PAGE5: variants seen among roughly 807,000 people sequenced by gnomAD.
PAGE5 encodes PAGE family member 5, also known as P antigen family member 5.
A neutral mutation model predicts 8.1 loss-of-function variants in PAGE5; 8 were observed. The observed-to-expected ratio is 0.98, with a 90% CI of 0.58 to 1.77. The LOEUF is 1.77. PAGE5 is among the 40% of genes most tolerant of loss of function. The probability of loss-of-function intolerance (pLI) is 0.00; values close to 1 mark genes in which losing one functional copy is unlikely to be tolerated. For missense variants in PAGE5, 64 were observed against 77.6 expected (o/e 0.82, Z 0.66); for synonymous variants, 30 against 27.0 (o/e 1.11, Z -0.35).
intron 1 of PAGE5, 198 bp downstream of exon 1, chrX:55,220,650 A>G: frequency 8.3e-7 from 1 of 1,199,187 alleles, no homozygotes; most frequent in Non-Finnish European, 1.1e-6. Context: ...CGAGGGAGGA[A>G]GGTAGGCCGT....
intron 1 of PAGE5, among the ~76,000 whole-genome samples, 188 bp from the exon 2 acceptor site, chrX:55,221,187 C>T (rs1297384732): frequency 1.8e-5 from 2 of 111,440 alleles, no homozygotes; most frequent in Non-Finnish European, 3.8e-5. Context: ...TGTGCCTCTT[C>T]GACTATGATA....
chrX:55,223,214 G>A (rs950706701), intron 4 of PAGE5, among the ~76,000 whole-genome samples: 2 of 112,261 alleles, frequency 1.8e-5, no homozygotes, highest in African/African-American at 6.5e-5. Context: ...AGAAAGATAA[G>A]AAAAGGTTTT....
rs775326528 is a variant in PAGE5, at chrX:55,220,472, T to C, written c.-9+20T>C. Reference sequence around the variant, plus strand: ...CAGCCGGTAGGTCTGCAGAGTGGTCTTCCTGGTAATTTAGTTGTGAGTGAA... The same window carrying C: ...CAGCCGGTAGGTCTGCAGAGTGGTCCTCCTGGTAATTTAGTTGTGAGTGAA... On this transcript the variant is annotated intron_variant, in intron 1 of 4. Transcript: ENST00000374955. 14 of 625,233 alleles carry C rather than the reference T, an allele frequency of 2.2e-5. No homozygotes were observed. Among genetic ancestry groups the C allele is most frequent in the East Asian group, 3.6e-5 (1 of 27,544 alleles). The allele number at this position is 625,233 out of a possible 1,213,427, so 51.5% of individuals were successfully genotyped here.
chrX:55,222,493 T>C, intron 3 of PAGE5, 128 bp from the exon 4 acceptor site: 1 of 809,255 alleles, frequency 1.2e-6, no homozygotes, highest in Admixed American at 2.8e-5. Context: ...TTTCCTGCTT[T>C]TCTGGCAACA....
rs751503035 is a variant in PAGE5 at position 55,221,682 on chromosome X, T to C, written c.82-85T>C. The C allele has an allele frequency of 1.1e-5, 11 of 1,006,106 alleles. No individual in the cohort carries two copies. In the African/African-American group the frequency reaches 1.9e-4, roughly 17 times the overall value. The allele number at this position is 1,006,106 out of a possible 1,213,427, so 82.9% of individuals were successfully genotyped here. A position where few individuals can be genotyped will look rare whatever the true frequency, so the allele number is the denominator to read the frequency against. On this transcript the variant is annotated intron_variant, in intron 2 of 4. Coordinates refer to ENST00000374955, the MANE Select transcript of PAGE5 (RefSeq NM_001013435.3). ...CTATATATATATCTATTGGAAAATG[T>C]CTTTAGATTTATGATTCGATGCACA...
intron 4 of PAGE5, among the ~76,000 whole-genome samples, 168 bp from the exon 5 acceptor site, chrX:55,223,819 C>T (rs748491961): frequency 1.5e-4 from 17 of 111,463 alleles, no homozygotes; most frequent in African/African-American, 5.5e-4. Context: ...TGTTAATATG[C>T]CTGGAAGTCT....
chrX:55,222,244 G>A (rs772516135), intron 3 of PAGE5, among the ~76,000 whole-genome samples: 17 of 112,099 alleles, frequency 1.5e-4, no homozygotes, highest in Non-Finnish European at 2.8e-4. Context: ...CATCTCTCAT[G>A]TATTTTTATA....
At chrX:55,223,180 A>T (rs1245538607) in intron 4 of PAGE5, among the ~76,000 whole-genome samples, 2 of 112,676 alleles carry the variant, frequency 1.8e-5, no homozygotes, top group Non-Finnish European at 3.7e-5. Context: ...ATAAATATAT[A>T]TGATTTCATG....
At chrX:55,220,671 G>T (rs2146550783) in intron 1 of PAGE5, 13 of 1,191,491 alleles carry the variant, frequency 1.1e-5, no homozygotes, top group Non-Finnish European at 1.2e-5. Context: ...GGAGGGGGTA[G>T]ATCGCCTGAA....
intron 1 of PAGE5, 30 bp downstream of exon 1, chrX:55,220,482 T>G: frequency 1.5e-6 from 1 of 669,829 alleles, no homozygotes; most frequent in Non-Finnish European, 2.4e-6. Context: ...TTCCTGGTAA[T>G]TTAGTTGTGA....
chrX:55,221,562 A>G, intron 2 of PAGE5, 99 bp downstream of exon 2: 1 of 995,671 alleles, frequency 1.0e-6, no homozygotes, highest in Non-Finnish European at 1.4e-6. Context: ...TTCCATGCTA[A>G]TAAAAAATGA....
chrX:55,222,779 T>C (rs370861527), intron 4 of PAGE5, 33 bp downstream of exon 4: 251 of 1,184,285 alleles, frequency 2.1e-4, no homozygotes, highest in Non-Finnish European at 2.8e-4. Flanking sequence ...AATTATAGGG[T>C]TTCTATTTTC....
At chrX:55,222,905 A>G (rs1937912859) in intron 4 of PAGE5, among the ~76,000 whole-genome samples, 159 bp downstream of exon 4, 1 of 112,379 alleles carries the variant, frequency 8.9e-6, no homozygotes, top group Non-Finnish European at 1.9e-5. Flanking sequence ...CTTACACACT[A>G]TCAGAGATAG....
intron 3 of PAGE5, among the ~76,000 whole-genome samples, chrX:55,222,381 A>G (rs1405393969): frequency 8.9e-6 from 1 of 112,240 alleles, no homozygotes; most frequent in Non-Finnish European, 1.9e-5. Context: ...CAAATCACTG[A>G]TTTAATGTGA....
chrX:55,221,884 A>G lies in PAGE5; in HGVS notation c.190+9A>G, dbSNP rs1257410785. 2 of 1,189,354 alleles carry G rather than the reference A, an allele frequency of 1.7e-6. No individual in the cohort carries two copies. Among genetic ancestry groups the G allele is most frequent in the Non-Finnish European group, 2.3e-6 (2 of 881,354 alleles). ...AGCACCTGCTGTTCAAGGTGAAGGG[A>G]GAGTGGAGAATAATGCTTATGGGTG... On this transcript the variant is annotated intron_variant, in intron 3 of 4. Coordinates refer to ENST00000374955, the MANE Select transcript of PAGE5 (RefSeq NM_001013435.3).
chrX:55,221,423 G>C lies in PAGE5; in HGVS notation c.41G>C (p.Gly14Ala). 8.3e-7 allele frequency: 1 copy of C among 1,210,814 alleles called. No homozygotes were observed. The highest frequency in any genetic ancestry group is 1.1e-6 in the Non-Finnish European group (1 of 894,773). Reference sequence around the variant, plus strand: ...ACAAGATCCCAATCCTCAGAAAGAGGAAATGACCAAGAGTCTTCCCAGCCA... The same window carrying C: ...ACAAGATCCCAATCCTCAGAAAGAGCAAATGACCAAGAGTCTTCCCAGCCA... ...HVTRSQSSER[G>A]NDQESSQPVG... Residue 14 changes from glycine (G) to alanine (A), a missense_variant, in exon 2 of 5, where the codon GGA (glycine) becomes GCA (alanine). Gly to Ala is a moderately conservative substitution (Grantham distance 60). Transcript: ENST00000374955.
chrX:55,222,550 G>A, intron 3 of PAGE5, 71 bp from the exon 4 acceptor site: 1 of 1,062,134 alleles, frequency 9.4e-7, no homozygotes, highest in Admixed American at 2.3e-5. Flanking sequence ...ACAATGATGA[G>A]GGAATAAATA....
At chrX:55,221,235 G>T in intron 1 of PAGE5, 140 bp from the exon 2 acceptor site, 2 of 555,331 alleles carry the variant, frequency 3.6e-6, no homozygotes, top group South Asian at 6.6e-5. Flanking sequence ...GAAAGCATGC[G>T]TACTTATCAA....
Position 55,222,647 on chromosome X carries a change from G to T in PAGE5, c.217G>T (p.Glu73Ter). ...QGTDVEAFQQ[E>*]LALLKIEDAP... is the part of the protein sequence containing the mutation. The stretch of plus-strand genomic sequence containing the variant: ...GACTGATGTGGAAGCTTTTCAACAG[G>T]AACTGGCTCTGCTTAAGATAGAGGA... The change falls in exon 4 of 5, where the codon GAA (glutamate) becomes TAA (stop). Residue 73 changes from glutamate (E) to a stop codon, truncating the protein, a stop_gained. Coordinates refer to ENST00000374955, the MANE Select transcript of PAGE5 (RefSeq NM_001013435.3). LOFTEE classifies it high-confidence loss of function. The T allele has an allele frequency of 8.3e-7, 1 of 1,208,757 alleles. No homozygotes were observed. Among genetic ancestry groups the T allele is most frequent in the Non-Finnish European group, 1.1e-6 (1 of 892,739 alleles).
Sources: gnomAD v4.1 joint callset for allele counts (sites outside exome capture counted in the v4.1 genomes callset) on GRCh38, gnomAD v4.1.1 for gene constraint, MANE v1.5 for transcripts, NCBI Gene and HGNC (gene_info 2026-07-23, HGNC 2026-07-21) for gene names.